Variants in TBCK observed in about 807,000 individuals in gnomAD.
TBCK encodes the protein TBC1 domain containing kinase, also known as TBC domain-containing protein kinase-like protein.
TBCK carries 99 observed loss-of-function variants against 113.4 expected under a neutral mutation model. The ratio of observed to expected loss-of-function variants is 0.87; its 90% CI spans 0.74 to 1.03. TBCK has a LOEUF of 1.03. Ranked by LOEUF, TBCK falls within the 50% of genes least tolerant of loss-of-function variation. The probability of loss-of-function intolerance (pLI) is 0.00; values close to 1 mark genes in which losing one functional copy is unlikely to be tolerated. For synonymous variants in TBCK, 369 were observed against 370.8 expected (o/e 1.00, Z 0.05); for missense variants, 1,045 against 1,061.3 (o/e 0.98, Z 0.21).
intron 19 of TBCK, among the ~76,000 whole-genome samples, chr4:106,216,685 A>G (rs1756972550): frequency 6.6e-6 from 1 of 152,234 alleles, no homozygotes; most frequent in South Asian, 2.1e-4. Flanking sequence ...TCAATCTCTG[A>G]ATAGACCAAT....
At chr4:106,103,084 A>C (rs1741734968) in intron 24 of TBCK, among the ~76,000 whole-genome samples, 1 of 152,198 alleles carries the variant, frequency 6.6e-6, no homozygotes, top group Admixed American at 6.5e-5. Flanking sequence ...GCTTTAGGGA[A>C]ATTTTTATTA....
intron 24 of TBCK, among the ~76,000 whole-genome samples, chr4:106,104,935 T>A (rs138589394): frequency 6.6e-6 from 1 of 152,250 alleles, no homozygotes; most frequent in Non-Finnish European, 1.5e-5. Context: ...ATTACATGGG[T>A]TCCTGTTCCC....
At chr4:106,120,114 G>A (rs931238538) in intron 23 of TBCK, among the ~76,000 whole-genome samples, 9 of 152,188 alleles carry the variant, frequency 5.9e-5, no homozygotes, top group East Asian at 3.9e-4. Flanking sequence ...TGCGCGCACC[G>A]TGCGCGAGCC....
Position 106,046,335 on chromosome 4 carries a change from A to T in TBCK, c.*235T>A, listed in dbSNP as rs1326168224. On this transcript the variant is annotated 3_prime_UTR_variant, in exon 26 of 26. Transcript: ENST00000394708. ...CTTTATGTGGCAGTGTGGTAAAAAT[A>T]TATGATCAGATTTCACTGTTAAGAA... The T allele has an allele frequency of 2.7e-6, 1 of 373,894 alleles. No homozygotes were observed. Among genetic ancestry groups the T allele is most frequent in the Non-Finnish European group, 4.8e-6 (1 of 207,088 alleles). 23.2% of individuals were successfully genotyped at this position (373,894 alleles called of 1,614,324 possible). A position where few individuals can be genotyped will look rare whatever the true frequency, so the allele number is the denominator to read the frequency against.
chr4:106,128,781 GTTTA>G (rs1371789837), intron 23 of TBCK, among the ~76,000 whole-genome samples: 9 of 152,084 alleles, frequency 5.9e-5, no homozygotes, highest in East Asian at 5.8e-4. Flanking sequence ...AAATTTTGAA[GTTTA>G]TTTGACAAAC....
At chr4:106,212,084 C>G (rs993497652) in intron 20 of TBCK, among the ~76,000 whole-genome samples, 1 of 152,068 alleles carries the variant, frequency 6.6e-6, no homozygotes, top group Non-Finnish European at 1.5e-5. Context: ...TTTGCACCCA[C>G]GCTACCACTT....
At chr4:106,055,575 C>CAT (rs901439166) in intron 25 of TBCK, among the ~76,000 whole-genome samples, 23 of 135,152 alleles carry the variant, frequency 1.7e-4, no homozygotes, top group Non-Finnish European at 2.8e-4. Flanking sequence ...CACACACACA[C>CAT]ATATATATAA....
At chr4:106,279,640 C>G (rs1764380935) in intron 3 of TBCK, among the ~76,000 whole-genome samples, 1 of 152,084 alleles carries the variant, frequency 6.6e-6, no homozygotes, top group South Asian at 2.1e-4. Context: ...TAACCATCCT[C>G]TCTATCTCCA....
At chr4:106,181,290 T>G (rs1579152456) in intron 22 of TBCK, among the ~76,000 whole-genome samples, 1 of 152,190 alleles carries the variant, frequency 6.6e-6, no homozygotes, top group East Asian at 1.9e-4. Context: ...ATGGATAGAT[T>G]GCAAAAATTT....
At position 106,190,796 on chromosome 4, in the gene TBCK, A is replaced by G. The variant is rs1397970831; in HGVS notation, c.2059+2813T>C. Among the ~76,000 whole-genome samples the G allele has an allele frequency of 2.0e-5, 3 of 151,930 alleles. No individual in the cohort carries two copies. In the East Asian group the frequency reaches 5.8e-4, roughly 29 times the overall value. Reference sequence around the variant, plus strand: ...CACTCTGTTGCCCAGGCTGGAGTGCAGAGGCGCCATGTCGGCTCACTGCAA... The same window carrying G: ...CACTCTGTTGCCCAGGCTGGAGTGCGGAGGCGCCATGTCGGCTCACTGCAA... On this transcript the variant is annotated intron_variant, in intron 22 of 25. Coordinates refer to ENST00000394708, the MANE Select transcript of TBCK (RefSeq NM_001163435.3).
chr4:106,070,349 A>G (rs185529503), intron 25 of TBCK, among the ~76,000 whole-genome samples: 98 of 152,288 alleles, frequency 6.4e-4, no homozygotes, highest in African/African-American at 2.4e-3. Context: ...TTTTAGCATG[A>G]AGGGCTGTTG....
chr4:106,237,172 T>C (rs1051818056), intron 12 of TBCK, among the ~76,000 whole-genome samples: 1 of 152,082 alleles, frequency 6.6e-6, no homozygotes, highest in Non-Finnish European at 1.5e-5. Flanking sequence ...AGAGGTACTA[T>C]ATAGCCATGT....
rs185057851 is a variant in TBCK, at chr4:106,104,857, C to T, written c.2412-9216G>A. On this transcript the variant is annotated intron_variant, in intron 24 of 25. Transcript: ENST00000394708. Reference sequence around the variant, plus strand: ...TGACACCTCCAGGTTCTGGAAAATCCGAGATGACTAGGGCCTAGAGTGGGC... The same window carrying T: ...TGACACCTCCAGGTTCTGGAAAATCTGAGATGACTAGGGCCTAGAGTGGGC... Among the ~76,000 whole-genome samples, 241 of 152,324 alleles carry T rather than the reference C, an allele frequency of 1.6e-3. 3 individuals are homozygous for T. Among genetic ancestry groups the T allele is most frequent in the Admixed American group, 6.5e-4 (10 of 15,298 alleles).
In TBCK at chr4:106,168,381, CACACAA is replaced by C. The variant is rs1237207807; in HGVS notation, c.2235+2708_2235+2713del. On this transcript the variant is annotated intron_variant, in intron 23 of 25. Coordinates refer to ENST00000394708, the MANE Select transcript of TBCK (RefSeq NM_001163435.3). ...AAAACATCTACAAAAACCTACAGCT[CACACAA>C]TACTTTCTGGTGACACCCTAGAAGC... is the stretch of plus-strand genomic sequence containing the variant. Among the ~76,000 whole-genome samples the C allele has an allele frequency of 5.9e-5, 9 of 151,978 alleles. No individual in the cohort carries two copies. The East Asian group carries it at 1.7e-3, about 29-fold the overall frequency.
In TBCK at chr4:106,314,078, T is replaced by C. The variant is rs190437230; in HGVS notation, c.-30+1853A>G. On this transcript the variant is annotated intron_variant, in intron 1 of 25. Transcript: ENST00000394708. ...CTATAAAGCCATAATACTGTAAACATTTTATTTTTTTTATTGGTTTTTGGC... is the reference window on the plus strand; with the variant it reads ...CTATAAAGCCATAATACTGTAAACACTTTATTTTTTTTATTGGTTTTTGGC... Among the ~76,000 whole-genome samples the C allele has an allele frequency of 5.8e-4, 89 of 152,216 alleles. 3 individuals carry two copies. The highest frequency in any genetic ancestry group is 1.7e-3 in the Admixed American group (26 of 15,296).
chr4:106,196,124 A>C lies in TBCK; in HGVS notation c.1861-1370T>G, dbSNP rs546219266. On this transcript the variant is annotated intron_variant, in intron 20 of 25. Coordinates refer to ENST00000394708, the MANE Select transcript of TBCK (RefSeq NM_001163435.3). ...AGATCTAATATTACCATTATTAATAATTTGACAAATTTATTCTCCTAAGTT... is the reference window on the plus strand; with the variant it reads ...AGATCTAATATTACCATTATTAATACTTTGACAAATTTATTCTCCTAAGTT... Among the ~76,000 whole-genome samples the C allele has an allele frequency of 5.3e-5, 8 of 152,168 alleles. No individual in the cohort carries two copies. The South Asian group carries it at 1.7e-3, about 32-fold the overall frequency.
intron 5 of TBCK, among the ~76,000 whole-genome samples, chr4:106,253,460 A>G (rs1209074005): frequency 6.6e-6 from 1 of 152,158 alleles, no homozygotes; most frequent in East Asian, 1.9e-4. Context: ...TCCCAAGGTT[A>G]ACAACCTAGA....
At chr4:106,244,799 T>A (rs759229800) in intron 10 of TBCK, 35 bp from the exon 11 acceptor site, 77 of 1,346,652 alleles carry the variant, frequency 5.7e-5, no homozygotes, top group Non-Finnish European at 7.1e-5. Context: ...CATTGTATTA[T>A]ATTTTCTACT....
chr4:106,214,203 C>G (rs1197221354), intron 19 of TBCK, among the ~76,000 whole-genome samples: 6 of 152,076 alleles, frequency 3.9e-5, no homozygotes, highest in African/African-American at 1.4e-4. Flanking sequence ...ACATCCACAC[C>G]AAAAACCCAT....
Sources: allele counts gnomAD v4.1 joint callset (sites outside exome capture counted in the v4.1 genomes callset), GRCh38; gene constraint gnomAD v4.1.1; transcripts MANE v1.5; gene names NCBI Gene and HGNC (gene_info 2026-07-23, HGNC 2026-07-21).